The following ATXN10 variants were observed in gnomAD, a reference collection of about 807,000 sequenced individuals.
The protein encoded by ATXN10 is ataxin-10.
Under a neutral mutation model 52.9 loss-of-function variants are expected in ATXN10, and 28 were observed. That is an observed-to-expected ratio of 0.53 (90% CI 0.39 to 0.73). The LOEUF (loss-of-function observed/expected upper bound fraction) is 0.73. Ranked by LOEUF, ATXN10 falls within the 30% of genes least tolerant of loss-of-function variation. The probability of loss-of-function intolerance (pLI) is 0.00; values close to 1 mark genes in which losing one functional copy is unlikely to be tolerated. For synonymous variants in ATXN10, 226 were observed against 221.5 expected (o/e 1.02, Z -0.18); for missense variants, 565 against 577.0 (o/e 0.98, Z 0.21).
In ATXN10 at chr22:45,823,331, G is replaced by A. The variant is rs747650069; in HGVS notation, c.1237+16309G>A. On this transcript the variant is annotated intron_variant, in intron 10 of 11. Transcript: ENST00000252934. The surrounding 1 kb of genome is among the most constrained non-coding windows in gnomAD (Gnocchi z 4.9). ...GATTTTTGTGTCTCTGAGGTCTGAG[G>A]TCATAAAAGTATGCTAAAGGCTTTA... 52 of 381,166 alleles carry A rather than the reference G, an allele frequency of 1.4e-4. No homozygotes were observed. Among genetic ancestry groups the A allele is most frequent in the Non-Finnish European group, 2.2e-4 (42 of 190,028 alleles). The allele number at this position is 381,166 out of a possible 1,614,324, so 23.6% of individuals were successfully genotyped here.
rs1247859014 is a variant in ATXN10, at chr22:45,843,492, A to G, written c.1426-177A>G. The stretch of plus-strand genomic sequence containing the variant: ...TTAGATTTTCTTTAAAAGATAGTTA[A>G]TGTTCACTATAGTTTAAAAAACAGA... On this transcript the variant is annotated intron_variant, in intron 11 of 11. Transcript: ENST00000252934. This position sits in a 1 kb window ranked among gnomAD's most constrained non-coding sequence, Gnocchi z 4.5. Among the ~76,000 whole-genome samples the G allele has an allele frequency of 6.6e-6, 1 of 152,238 alleles. No homozygotes were observed. The highest frequency in any genetic ancestry group is 1.5e-5 in the Non-Finnish European group (1 of 68,030).
chr22:45,707,735 A>C (rs1924097184), intron 5 of ATXN10, among the ~76,000 whole-genome samples: 1 of 151,926 alleles, frequency 6.6e-6, no homozygotes, highest in Non-Finnish European at 1.5e-5. Flanking sequence ...CAAAGGATGG[A>C]TCTAGTAGTG....
rs148747736 is a variant in ATXN10, at chr22:45,687,761, TAAG to T, written c.117-1948_117-1946del. On this transcript the variant is annotated intron_variant, in intron 1 of 11. Transcript: ENST00000252934. ...TATTTGGTACTCCTTAAAGCTACCT[TAAG>T]AATGTTAGTGAATCGGCCAGGTGCA... Among the ~76,000 whole-genome samples, 46 of 152,322 alleles carry T rather than the reference TAAG, an allele frequency of 3.0e-4. 1 individual carries two copies. In the East Asian group the frequency reaches 8.7e-3, roughly 29 times the overall value.
At chr22:45,686,644 C>T (rs1346278804) in intron 1 of ATXN10, among the ~76,000 whole-genome samples, 1 of 151,894 alleles carries the variant, frequency 6.6e-6, no homozygotes, top group African/African-American at 2.4e-5. Flanking sequence ...ATGGTGAAAC[C>T]CTGTCTCTAC....
At chr22:45,679,932 A>G (rs921851818) in intron 1 of ATXN10, 3 of 152,170 alleles carry the variant, frequency 2.0e-5, no homozygotes, top group South Asian at 4.1e-4. Context: ...AATAAAACCA[A>G]TCGAAATAAA....
At chr22:45,699,910 G>C (rs1460654333) in intron 3 of ATXN10, among the ~76,000 whole-genome samples, 3 of 148,370 alleles carry the variant, frequency 2.0e-5, no homozygotes, top group Non-Finnish European at 4.5e-5. Context: ...GCAGTGGCGT[G>C]ATCTTGGCCC....
intron 3 of ATXN10, among the ~76,000 whole-genome samples, chr22:45,697,104 A>C (rs779491982): frequency 5.3e-5 from 8 of 152,120 alleles, no homozygotes; most frequent in Non-Finnish European, 1.2e-4. Context: ...CATCCACAGT[A>C]TTATGCAACT....
chr22:45,756,721 C>T (rs570163694), intron 9 of ATXN10, among the ~76,000 whole-genome samples: 1 of 152,112 alleles, frequency 6.6e-6, no homozygotes, highest in Admixed American at 6.5e-5. Flanking sequence ...TATTATTGTA[C>T]ATCTTATGTT....
intron 6 of ATXN10, among the ~76,000 whole-genome samples, chr22:45,720,939 A>C (rs1018979768): frequency 2.6e-5 from 4 of 152,204 alleles, no homozygotes; most frequent in Admixed American, 1.3e-4. Context: ...TGAGAGGGCA[A>C]GTGAGTGCAT....
chr22:45,813,455 C>CT (rs3884890), intron 10 of ATXN10, among the ~76,000 whole-genome samples: 100,540 of 134,550 alleles, frequency 0.75, 37,556 homozygotes, highest in African/African-American at 0.84. Flanking sequence ...TTCTTCATTT[C>CT]TTTTTTTTTT....
chr22:45,770,814 A>G lies in ATXN10; in HGVS notation c.1173+30276A>G, dbSNP rs991753139. 4.6e-5 allele frequency among the ~76,000 whole-genome samples: 7 copies of G among 152,168 alleles called. No homozygotes were observed. Among genetic ancestry groups the G allele is most frequent in the Non-Finnish European group, 8.8e-5 (6 of 68,028 alleles). On this transcript the variant is annotated intron_variant, in intron 9 of 11. Transcript: ENST00000252934. The surrounding 1 kb of genome is among the most constrained non-coding windows in gnomAD (Gnocchi z 4.5). Reference sequence around the variant, plus strand: ...CTTGCTGGGACCCTTTAGCCAGTGAATTGTTTCATTTGGTCCCATGGCCTG... The same window carrying G: ...CTTGCTGGGACCCTTTAGCCAGTGAGTTGTTTCATTTGGTCCCATGGCCTG...
chr22:45,725,230 A>G lies in ATXN10; in HGVS notation c.729-4195A>G, dbSNP rs576003290. 6.2e-4 allele frequency among the ~76,000 whole-genome samples: 95 copies of G among 152,210 alleles called. No individual in the cohort carries two copies. The Middle Eastern group carries it at 0.01, about 16-fold the overall frequency. ...TTTTGATAGGAATTGCATTGAATCTATATATTGCTTTGGGCATATGATCAT... is the reference window on the plus strand; with the variant it reads ...TTTTGATAGGAATTGCATTGAATCTGTATATTGCTTTGGGCATATGATCAT... On this transcript the variant is annotated intron_variant, in intron 6 of 11. Coordinates refer to ENST00000252934, the MANE Select transcript of ATXN10 (RefSeq NM_013236.4).
In ATXN10 at chr22:45,774,657, A is replaced by ACG. The variant is rs1437350201; in HGVS notation, c.1174-32299_1174-32298dup. Among the ~76,000 whole-genome samples the ACG allele has an allele frequency of 6.6e-6, 1 of 152,100 alleles. No individual in the cohort carries two copies. Among genetic ancestry groups the ACG allele is most frequent in the Non-Finnish European group, 1.5e-5 (1 of 67,984 alleles). On this transcript the variant is annotated intron_variant, in intron 9 of 11. Coordinates refer to ENST00000252934, the MANE Select transcript of ATXN10 (RefSeq NM_013236.4). This position sits in a 1 kb window ranked among gnomAD's most constrained non-coding sequence, Gnocchi z 6.2. ...TACAAAATAAAGGCAGGGGGGCTGGACGCGGTGGCTCACGCTTATAATCCT... is the reference window on the plus strand; with the variant it reads ...TACAAAATAAAGGCAGGGGGGCTGGACGCGCGGTGGCTCACGCTTATAATCCT...
At chr22:45,764,510 A>G (rs1270506896) in intron 9 of ATXN10, among the ~76,000 whole-genome samples, 1 of 151,740 alleles carries the variant, frequency 6.6e-6, no homozygotes, top group African/African-American at 2.4e-5. Context: ...TCAGAATCCA[A>G]CTCGCTCTTC....
At chr22:45,798,966 G>A (rs1601653813) in intron 9 of ATXN10, among the ~76,000 whole-genome samples, 3 of 152,260 alleles carry the variant, frequency 2.0e-5, no homozygotes, top group South Asian at 4.1e-4. Context: ...ACATTGCTGA[G>A]AGAAGTTAAA....
At chr22:45,704,283 A>G (rs1044753148) in intron 5 of ATXN10, among the ~76,000 whole-genome samples, 11 of 151,072 alleles carry the variant, frequency 7.3e-5, no homozygotes, top group Middle Eastern at 3.4e-3. Flanking sequence ...TTTCCATATT[A>G]ATTTTAGGAT....
At position 45,763,876 on chromosome 22, in the gene ATXN10, T is replaced by G. The variant is rs2146832728; in HGVS notation, c.1173+23338T>G. On this transcript the variant is annotated intron_variant, in intron 9 of 11. Transcript: ENST00000252934. The surrounding 1 kb of genome is among the most constrained non-coding windows in gnomAD (Gnocchi z 6.9). Reference sequence around the variant, plus strand: ...CTGGTGAGCATGGGCTGTCTTGAGGTGCCGGCTGTGTTAGGCTCTTACCCC... The same window carrying G: ...CTGGTGAGCATGGGCTGTCTTGAGGGGCCGGCTGTGTTAGGCTCTTACCCC... Among the ~76,000 whole-genome samples, 1 of 152,260 alleles carries G rather than the reference T, an allele frequency of 6.6e-6. No homozygotes were observed. Among genetic ancestry groups the G allele is most frequent in the South Asian group, 2.1e-4 (1 of 4,814 alleles).
intron 5 of ATXN10, among the ~76,000 whole-genome samples, chr22:45,707,663 A>G (rs1337641233): frequency 6.7e-6 from 1 of 149,742 alleles, no homozygotes; most frequent in African/African-American, 2.4e-5. Context: ...ATAATATAAT[A>G]TAATATATAA....
intron 10 of ATXN10, among the ~76,000 whole-genome samples, chr22:45,839,832 C>T (rs1929286656): frequency 6.6e-6 from 1 of 152,210 alleles, no homozygotes; most frequent in Non-Finnish European, 1.5e-5. Flanking sequence ...ATCTCTCAAA[C>T]CCTAAAAAGC....
Sources: allele counts gnomAD v4.1 joint callset (sites outside exome capture counted in the v4.1 genomes callset), GRCh38; gene constraint gnomAD v4.1.1; non-coding constraint Gnocchi (gnomAD v3.1); transcripts MANE v1.5; gene names NCBI Gene and HGNC (gene_info 2026-07-23, HGNC 2026-07-21).